Variants in PRUNE2 observed in about 807,000 individuals in gnomAD.
The protein encoded by PRUNE2 is prune homolog 2 with BCH domain.
Under a neutral mutation model 252.0 loss-of-function variants are expected in PRUNE2, and 164 were observed. The ratio of observed to expected loss-of-function variants is 0.65; its 90% confidence interval spans 0.57 to 0.74. The LOEUF is 0.74. Ranked by LOEUF, PRUNE2 falls within the 30% of genes least tolerant of loss-of-function variation. The probability of loss-of-function intolerance (pLI) is 0.00; values close to 1 mark genes in which losing one functional copy is unlikely to be tolerated. For synonymous variants in PRUNE2, 1,292 were observed against 1,350.2 expected (o/e 0.96, Z 0.94); for missense variants, 3,495 against 3,711.0 (o/e 0.94, Z 1.51).
Position 76,711,058 on chromosome 9 carries a change from G to C in PRUNE2, c.1216C>G (p.Pro406Ala). Residue 406 changes from proline to alanine, a missense_variant, in exon 8 of 19, where the codon CCT becomes GCT. Pro to Ala is a conservative substitution (Grantham distance 27). Transcript: ENST00000376718. ...QPSSVNFIEN[P>A]PDLNDSNQAQ... ...TGGTTAGAATCATTGAGATCTGGAGGGTTCTCTATGAAATTCACAGAGCTG... is the reference window on the plus strand; with the variant it reads ...TGGTTAGAATCATTGAGATCTGGAGCGTTCTCTATGAAATTCACAGAGCTG... The C allele has an allele frequency of 2.5e-6, 4 of 1,613,992 alleles. No homozygotes were observed. Among genetic ancestry groups the C allele is most frequent in the Non-Finnish European group, 3.4e-6 (4 of 1,179,878 alleles).
intron 16 of PRUNE2, among the ~76,000 whole-genome samples, chr9:76,625,276 T>C (rs1834184741): frequency 6.6e-6 from 1 of 152,238 alleles, no homozygotes; most frequent in Non-Finnish European, 1.5e-5. Flanking sequence ...TTTCTACGTG[T>C]ACATACACAA....
intron 6 of PRUNE2, among the ~76,000 whole-genome samples, chr9:76,735,416 CTTCTTTT>C (rs1750009587): frequency 8.8e-6 from 1 of 114,254 alleles, no homozygotes; most frequent in African/African-American, 3.8e-5. Context: ...AGTTTTCTTT[CTTCTTTT>C]TTTTTTTTTT....
chr9:76,746,373 T>C (rs976771864), intron 6 of PRUNE2, among the ~76,000 whole-genome samples: 9 of 152,064 alleles, frequency 5.9e-5, no homozygotes, highest in African/African-American at 2.2e-4. Flanking sequence ...TTGCCAAAGA[T>C]GTAATCAGTC....
chr9:76,858,881 G>T (rs113423837), intron 1 of PRUNE2, among the ~76,000 whole-genome samples: 354 of 152,292 alleles, frequency 2.3e-3, no homozygotes, highest in African/African-American at 8.0e-3. Context: ...GCCCTGAGGT[G>T]AGAGCAGGCC....
rs774650047 is a variant in PRUNE2 at position 76,709,988 on chromosome 9, T to A, written c.2286A>T (p.Ile762=). ...AATGCCACAAAGAAGCAAAGTCTTC[T>A]ATCAGGTGGTTTGTTCCTTGGGGAG... ...NTSPQGTNHL[I]EDFASLWHSG... Residue 762 remains isoleucine, a synonymous_variant, in exon 8 of 19, where the codon ATA becomes ATT. Transcript: ENST00000376718. 1.2e-6 allele frequency: 2 copies of A among 1,613,758 alleles called. No homozygotes were observed. Among genetic ancestry groups the A allele is most frequent in the Admixed American group, 3.3e-5 (2 of 59,984 alleles).
chr9:76,651,612 A>C (rs888046827), intron 11 of PRUNE2, among the ~76,000 whole-genome samples: 4 of 152,272 alleles, frequency 2.6e-5, no homozygotes, highest in African/African-American at 7.2e-5. Context: ...TGCCATTTAA[A>C]AAAAAATGAT....
At position 76,906,004 on chromosome 9, in the gene PRUNE2, G is replaced by T. The variant is rs751369870; in HGVS notation, c.-41C>A. 1.9e-6 allele frequency: 3 copies of T among 1,609,370 alleles called. No homozygotes were observed. Among genetic ancestry groups the T allele is most frequent in the Non-Finnish European group, 2.6e-6 (3 of 1,175,964 alleles). On this transcript the variant is annotated 5_prime_UTR_variant, in exon 1 of 19. Transcript: ENST00000376718. Reference sequence around the variant, plus strand: ...TTGGAACCCGGGTACTCGGAGGGGCGCAGTGGAAAATCTCGGCCCAAGGAA... The same window carrying T: ...TTGGAACCCGGGTACTCGGAGGGGCTCAGTGGAAAATCTCGGCCCAAGGAA...
intron 6 of PRUNE2, among the ~76,000 whole-genome samples, chr9:76,793,409 T>A (rs570295592): frequency 1.1e-4 from 17 of 152,210 alleles, no homozygotes; most frequent in African/African-American, 4.1e-4. Flanking sequence ...ATTAACAGAA[T>A]GAAATCGATG....
intron 6 of PRUNE2, among the ~76,000 whole-genome samples, chr9:76,744,682 C>T (rs1263673451): frequency 6.6e-6 from 1 of 152,156 alleles, no homozygotes; most frequent in Non-Finnish European, 1.5e-5. Flanking sequence ...CTTTTCCCTT[C>T]CCTATCCGAC....
intron 12 of PRUNE2, among the ~76,000 whole-genome samples, chr9:76,639,417 C>A (rs557516867): frequency 7.8e-4 from 118 of 152,104 alleles, no homozygotes; most frequent in Non-Finnish European, 1.4e-3. Context: ...CTTAAGCCTG[C>A]GAGGCAGAGG....
intron 10 of PRUNE2, 62 bp downstream of exon 10, chr9:76,655,361 G>A: frequency 8.6e-7 from 1 of 1,168,862 alleles, no homozygotes; most frequent in Non-Finnish European, 1.3e-6. Context: ...TTCTTTCACT[G>A]AATAATGAAA....
At chr9:76,621,914 G>A (rs1332120297) in intron 17 of PRUNE2, among the ~76,000 whole-genome samples, 1 of 151,948 alleles carries the variant, frequency 6.6e-6, no homozygotes, top group East Asian at 1.9e-4. Flanking sequence ...TCTAACTCCT[G>A]GCCTCAAGCA....
At chr9:76,850,858 T>C (rs2059918147) in intron 2 of PRUNE2, among the ~76,000 whole-genome samples, 193 bp from the exon 3 acceptor site, 1 of 152,140 alleles carries the variant, frequency 6.6e-6, no homozygotes, top group Admixed American at 6.5e-5. Context: ...CCCTAACATT[T>C]TTTAACCTCT....
rs116876323 is a variant in PRUNE2 at position 76,704,883 on chromosome 9, G to A, written c.7391C>T (p.Pro2464Leu). The A allele has an allele frequency of 9.5e-3, 15,260 of 1,608,378 alleles. 105 individuals carry two copies. The highest frequency in any genetic ancestry group is 0.012 in the Non-Finnish European group (13,938 of 1,177,066). ...TCCTACCGGCAAATAAACGGACTCAGGGTCTTCACGAATATGCAGCACAGC... is the reference window on the plus strand; with the variant it reads ...TCCTACCGGCAAATAAACGGACTCAAGGTCTTCACGAATATGCAGCACAGC... The part of the protein sequence containing the change: ...QLAVLHIRED[P>L]ESVYLPVGAG... The change falls in exon 8 of 19, where the codon CCT becomes CTT. Residue 2464 changes from proline (P) to leucine (L), a missense_variant. Coordinates refer to ENST00000376718, the MANE Select transcript of PRUNE2 (RefSeq NM_015225.3).
intron 6 of PRUNE2, among the ~76,000 whole-genome samples, chr9:76,804,527 A>C (rs1453513075): frequency 6.6e-6 from 1 of 152,136 alleles, no homozygotes; most frequent in Non-Finnish European, 1.5e-5. Context: ...TAACCTTCTA[A>C]CAGAATGTTT....
chr9:76,667,716 G>A (rs1227435372), intron 9 of PRUNE2, among the ~76,000 whole-genome samples: 2 of 152,234 alleles, frequency 1.3e-5, no homozygotes. Flanking sequence ...TTGCTAATCT[G>A]CAGGACATGG....
chr9:76,707,703 C>T lies in PRUNE2; in HGVS notation c.4571G>A (p.Gly1524Glu). 1 of 1,613,870 alleles carries T rather than the reference C, an allele frequency of 6.2e-7. No individual in the cohort carries two copies. The highest frequency in any genetic ancestry group is 8.5e-7 in the Non-Finnish European group (1 of 1,179,860). Residue 1524 changes from glycine (G) to glutamate (E), a missense_variant, in exon 8 of 19, where the codon GGA becomes GAA. Physicochemically the swap from Gly to Glu is moderately conservative, Grantham distance 98 (BLOSUM62 -2). Coordinates refer to ENST00000376718, the MANE Select transcript of PRUNE2 (RefSeq NM_015225.3). ...GTCAAAATTTCCAGACGAACCGGCT[C>T]CTGGAAGGCTATTTTCAGACCCCTT... The part of the protein sequence containing the change: ...DVKGSENSLP[G>E]AGSSGNFDRD...
Position 76,709,460 on chromosome 9 carries a change from T to C in PRUNE2, c.2814A>G (p.Glu938=), listed in dbSNP as rs1349822000. Residue 938 remains glutamate (E), a synonymous_variant, in exon 8 of 19, where the codon GAA becomes GAG. Coordinates refer to ENST00000376718, the MANE Select transcript of PRUNE2 (RefSeq NM_015225.3). ...AACATTTGTAAGATAAGAAGGAATC[T>C]TCCCAAGGAACTAGGACATCTGACC... ...KGGSDVLVPW[E]DSFLSYKCSD... 1.2e-6 allele frequency: 2 copies of C among 1,614,000 alleles called. No individual in the cohort carries two copies. Among genetic ancestry groups the C allele is most frequent in the East Asian group, 4.5e-5 (2 of 44,894 alleles).
At position 76,707,438 on chromosome 9, in the gene PRUNE2, C is replaced by T; in HGVS notation, c.4836G>A (p.Lys1612=). Residue 1612 remains lysine (K), a synonymous_variant, in exon 8 of 19, where the codon AAG becomes AAA. Transcript: ENST00000376718. Reference sequence around the variant, plus strand: ...ATGTAGGAGTTTTGCGATCAAAGCTCTTTTCAAACTCATTTATTCTGTTTT... The same window carrying T: ...ATGTAGGAGTTTTGCGATCAAAGCTTTTTTCAAACTCATTTATTCTGTTTT... ...LEKNRINEFE[K]SFDRKTPTFL... is the part of the protein sequence containing the mutation. The T allele has an allele frequency of 6.2e-7, 1 of 1,613,932 alleles. No individual in the cohort carries two copies. The highest frequency in any genetic ancestry group is 8.5e-7 in the Non-Finnish European group (1 of 1,179,844).
Sources: allele counts gnomAD v4.1 joint callset (sites outside exome capture counted in the v4.1 genomes callset), GRCh38; gene constraint gnomAD v4.1.1; transcripts MANE v1.5; gene names NCBI Gene and HGNC (gene_info 2026-07-23, HGNC 2026-07-21).